The following UNC5D variants were observed in gnomAD, a reference collection of about 807,000 sequenced individuals.
The protein encoded by UNC5D is netrin receptor UNC5D.
In UNC5D, 39 loss-of-function variants were observed where a neutral mutation model predicts 105.4. The observed-to-expected ratio is 0.37, with a 90% CI of 0.29 to 0.48. The LOEUF is 0.48. Among genes scored for constraint, UNC5D ranks in the 20% least tolerant of loss-of-function variants. UNC5D has a pLI of 0.98. For synonymous variants in UNC5D, 452 were observed against 450.4 expected, an observed-to-expected ratio of 1.00 and a Z score of -0.04; for missense variants, 991 against 1,202.4, an observed-to-expected ratio of 0.82 and a Z score of 2.60.
rs755876112 is a variant in UNC5D, at chr8:35,696,282, A to ATT, written c.1084+9594_1084+9595dup. Among the ~76,000 whole-genome samples the ATT allele has an allele frequency of 3.6e-3, 402 of 113,172 alleles. 3 individuals carry two copies. The highest frequency in any genetic ancestry group is 8.9e-3 in the African/African-American group (262 of 29,598). The allele number at this position is 113,172 out of a possible 152,430, so 74.2% of individuals were successfully genotyped here. On this transcript the variant is annotated intron_variant, in intron 7 of 16. Coordinates refer to ENST00000404895, the MANE Select transcript of UNC5D (RefSeq NM_080872.4). ...TTGCCATATTTATTATCAATATTTA[A>ATT]TTTTTTTTTTTTTTTTTTTTTTGCT...
chr8:35,460,704 G>T (rs557777761), intron 1 of UNC5D, among the ~76,000 whole-genome samples: 1 of 152,284 alleles, frequency 6.6e-6, no homozygotes, highest in African/African-American at 2.4e-5. Flanking sequence ...GCCTTTGCAC[G>T]CATGTTGGAG....
At chr8:35,393,424 C>T (rs907781162) in intron 1 of UNC5D, among the ~76,000 whole-genome samples, 34 of 152,028 alleles carry the variant, frequency 2.2e-4, no homozygotes, top group African/African-American at 6.0e-4. Context: ...TGAGCCACCG[C>T]GCCCGGCCCT....
At position 35,322,338 on chromosome 8, in the gene UNC5D, T is replaced by C. The variant is rs954726022; in HGVS notation, c.103+86451T>C. ...GAAAATAATGTTTTTTTCTCCCCCC[T>C]TTTTTTTTTCTTTTTGGTTCCCTTT... On this transcript the variant is annotated intron_variant, in intron 1 of 16. Transcript: ENST00000404895. Among the ~76,000 whole-genome samples, 183 of 142,612 alleles carry C rather than the reference T, an allele frequency of 1.3e-3. 3 individuals are homozygous for C. The highest frequency in any genetic ancestry group is 8.6e-4 in the African/African-American group (30 of 34,740). The allele number at this position is 142,612 out of a possible 152,430, so 93.6% of individuals were successfully genotyped here.
chr8:35,782,707 G>A (rs1196796328), intron 16 of UNC5D, among the ~76,000 whole-genome samples: 1 of 152,026 alleles, frequency 6.6e-6, no homozygotes, highest in Non-Finnish European at 1.5e-5. Flanking sequence ...ATTTCACCAT[G>A]TTGGCCAGGC....
chr8:35,573,261 G>A (rs1817871790), intron 3 of UNC5D, among the ~76,000 whole-genome samples: 1 of 152,126 alleles, frequency 6.6e-6, no homozygotes, highest in Non-Finnish European at 1.5e-5. Flanking sequence ...TTAACAGCTG[G>A]GAAAGTGATG....
chr8:35,524,640 C>CA (rs113548648), intron 1 of UNC5D, among the ~76,000 whole-genome samples: 21,928 of 70,404 alleles, frequency 0.31, 2,186 homozygotes, highest in East Asian at 0.48. Context: ...ATGCCCTGTG[C>CA]AAAAAAAAAA....
chr8:35,454,953 G>C (rs1273288637), intron 1 of UNC5D, among the ~76,000 whole-genome samples: 2 of 152,046 alleles, frequency 1.3e-5, no homozygotes, highest in Non-Finnish European at 2.9e-5. Context: ...TTTATCCCTT[G>C]TTATGGATTT....
chr8:35,343,020 G>T (rs926716956), intron 1 of UNC5D, among the ~76,000 whole-genome samples: 2 of 152,016 alleles, frequency 1.3e-5, no homozygotes, highest in South Asian at 2.1e-4. Context: ...CTTATTAGAG[G>T]ACAAATTCTG....
At chr8:35,502,251 G>A (rs553184390) in intron 1 of UNC5D, among the ~76,000 whole-genome samples, 2 of 152,342 alleles carry the variant, frequency 1.3e-5, no homozygotes, top group Admixed American at 1.3e-4. Context: ...CAGTCCAATG[G>A]TGGGTGAACT....
At chr8:35,365,940 T>C (rs1802097269) in intron 1 of UNC5D, among the ~76,000 whole-genome samples, 1 of 152,126 alleles carries the variant, frequency 6.6e-6, no homozygotes, top group African/African-American at 2.4e-5. Flanking sequence ...TCACATTTTG[T>C]GGGGAGGAAA....
At chr8:35,414,236 G>A (rs890529249) in intron 1 of UNC5D, among the ~76,000 whole-genome samples, 2 of 152,032 alleles carry the variant, frequency 1.3e-5, no homozygotes, top group Non-Finnish European at 2.9e-5. Context: ...GTTCCTCAAA[G>A]GCAGGAACAA....
intron 1 of UNC5D, among the ~76,000 whole-genome samples, chr8:35,546,144 G>A (rs1013580424): frequency 6.6e-6 from 1 of 152,054 alleles, no homozygotes; most frequent in South Asian, 2.1e-4. Context: ...TGATCCTCTC[G>A]CCTTTGCCTC....
At chr8:35,241,244 A>G (rs946185484) in intron 1 of UNC5D, among the ~76,000 whole-genome samples, 5 of 152,236 alleles carry the variant, frequency 3.3e-5, no homozygotes, top group African/African-American at 1.2e-4. Flanking sequence ...TTTGTGCCAC[A>G]TTGCATCGTA....
At chr8:35,740,757 A>G (rs1829718338) in intron 11 of UNC5D, among the ~76,000 whole-genome samples, 1 of 152,194 alleles carries the variant, frequency 6.6e-6, no homozygotes, top group African/African-American at 2.4e-5. Flanking sequence ...ACAGAGTAGT[A>G]GACTGTGGTT....
At chr8:35,402,542 C>G (rs1180769585) in intron 1 of UNC5D, among the ~76,000 whole-genome samples, 1 of 152,018 alleles carries the variant, frequency 6.6e-6, no homozygotes, top group Non-Finnish European at 1.5e-5. Context: ...GGGACACAGC[C>G]AAATCATATC....
intron 1 of UNC5D, among the ~76,000 whole-genome samples, chr8:35,513,375 C>T (rs186215615): frequency 9.3e-5 from 14 of 150,626 alleles, no homozygotes; most frequent in Admixed American, 4.0e-4. Context: ...ATTACAGGCA[C>T]GTGCCACCAT....
intron 1 of UNC5D, among the ~76,000 whole-genome samples, chr8:35,259,452 G>A (rs1804295983): frequency 6.6e-6 from 1 of 152,188 alleles, no homozygotes; most frequent in Admixed American, 6.5e-5. Flanking sequence ...ACGCCATGCA[G>A]ATTTGAGCTG....
At chr8:35,473,707 T>TA (rs1809895340) in intron 1 of UNC5D, among the ~76,000 whole-genome samples, 2 of 152,178 alleles carry the variant, frequency 1.3e-5, no homozygotes, top group South Asian at 4.1e-4. Context: ...AGGCATTAAG[T>TA]AAAAATCTAA....
intron 3 of UNC5D, among the ~76,000 whole-genome samples, chr8:35,585,780 AGG>A (rs1013388055): frequency 2.0e-5 from 3 of 151,566 alleles, no homozygotes; most frequent in African/African-American, 4.8e-5. Flanking sequence ...TATAATAATA[AGG>A]GGAATATATA....
Sources: allele counts gnomAD v4.1 joint callset (sites outside exome capture counted in the v4.1 genomes callset), GRCh38; gene constraint gnomAD v4.1.1; transcripts MANE v1.5; gene names NCBI Gene and HGNC (gene_info 2026-07-23, HGNC 2026-07-21).